Variants in SLIT3 observed in about 807,000 individuals in gnomAD.
SLIT3 encodes the protein slit homolog 3 protein.
A neutral mutation model predicts 184.0 loss-of-function variants in SLIT3; 68 were observed. That is an observed-to-expected ratio of 0.37 (90% CI 0.30 to 0.45). The LOEUF (loss-of-function observed/expected upper bound fraction) is 0.45, where lower values mean the gene tolerates loss of function less well. Ranked by LOEUF, SLIT3 falls within the 20% of genes least tolerant of loss-of-function variation. The pLI is 1.00. For synonymous variants in SLIT3, 831 were observed against 828.6 expected, an observed-to-expected ratio of 1.00 and a Z score of -0.05; for missense variants, 1,707 against 2,026.0, an observed-to-expected ratio of 0.84 and a Z score of 3.02.
At chr5:168,974,802 TC>T (rs1754692478) in intron 4 of SLIT3, among the ~76,000 whole-genome samples, 1 of 152,182 alleles carries the variant, frequency 6.6e-6, no homozygotes, top group African/African-American at 2.4e-5. Flanking sequence ...ACCCTGACTG[TC>T]TAACTCCCAT....
At chr5:168,995,943 T>G (rs1050302535) in intron 4 of SLIT3, among the ~76,000 whole-genome samples, 1 of 152,222 alleles carries the variant, frequency 6.6e-6, no homozygotes, top group Non-Finnish European at 1.5e-5. Flanking sequence ...ACTGGTATTC[T>G]TTCTGGTTCC....
chr5:169,217,041 C>T (rs1362899609), intron 3 of SLIT3, among the ~76,000 whole-genome samples: 1 of 151,256 alleles, frequency 6.6e-6, no homozygotes, highest in Non-Finnish European at 1.5e-5. Flanking sequence ...GTTCAATCCA[C>T]AGCTTGGCCA....
intron 27 of SLIT3, among the ~76,000 whole-genome samples, chr5:168,699,690 G>C (rs1022056175): frequency 6.6e-6 from 1 of 152,228 alleles, no homozygotes; most frequent in African/African-American, 2.4e-5. Flanking sequence ...AGCATCAGGA[G>C]ATACGACCTA....
chr5:168,666,335 C>T lies in SLIT3; in HGVS notation c.*119G>A. ...TTTACAATATACTTAATATTCTCTT[C>T]TTCTTTACCTTCCTCTCCAGCTTCA... On this transcript the variant is annotated 3_prime_UTR_variant, in exon 36 of 36. Coordinates refer to ENST00000519560, the MANE Select transcript of SLIT3 (RefSeq NM_003062.4). 2.1e-6 allele frequency: 2 copies of T among 956,108 alleles called. No individual in the cohort carries two copies. Among genetic ancestry groups the T allele is most frequent in the East Asian group, 2.7e-5 (1 of 36,566 alleles). 59.2% of individuals were successfully genotyped at this position (956,108 alleles called of 1,614,324 possible). A position where few individuals can be genotyped will look rare whatever the true frequency, so the allele number is the denominator to read the frequency against.
intron 4 of SLIT3, among the ~76,000 whole-genome samples, chr5:169,094,966 G>C (rs899035559): frequency 2.6e-5 from 4 of 152,150 alleles, no homozygotes; most frequent in Non-Finnish European, 4.4e-5. Flanking sequence ...CCTGCCTGGG[G>C]AGGACCCAGG....
At chr5:169,225,540 G>C (rs62376913) in intron 3 of SLIT3, among the ~76,000 whole-genome samples, 1,893 of 152,158 alleles carry the variant, frequency 0.012, 18 homozygotes, top group Non-Finnish European at 0.017. Flanking sequence ...CCCTCTTAGA[G>C]GCCTTATAGT....
chr5:168,860,105 T>C lies in SLIT3; in HGVS notation c.486-15450A>G, dbSNP rs182876084. 2.6e-5 allele frequency among the ~76,000 whole-genome samples: 4 copies of C among 152,232 alleles called. No individual in the cohort carries two copies. In the East Asian group the frequency reaches 7.7e-4, roughly 29 times the overall value. ...CCAGCCCTCTGGGTGGTTGCAGCTA[T>C]AGAGTTGTAAAATGCCACCGTTGAA... On this transcript the variant is annotated intron_variant, in intron 5 of 35. Coordinates refer to ENST00000519560, the MANE Select transcript of SLIT3 (RefSeq NM_003062.4).
intron 14 of SLIT3, 64 bp from the exon 15 acceptor site, chr5:168,762,753 G>T: frequency 6.5e-7 from 1 of 1,542,558 alleles, no homozygotes; most frequent in East Asian, 2.3e-5. Flanking sequence ...CCAGGTTGTG[G>T]GTAGTGGGGG....
intron 4 of SLIT3, among the ~76,000 whole-genome samples, chr5:169,187,559 CTTTTTTTT>C: frequency 1.8e-5 from 1 of 55,758 alleles, no homozygotes; most frequent in African/African-American, 8.6e-5. Context: ...TTCTTTCTTT[CTTTTTTTT>C]TTTTTTTGAG....
intron 4 of SLIT3, among the ~76,000 whole-genome samples, chr5:169,076,602 ACTTT>A (rs1198596004): frequency 2.0e-5 from 3 of 152,032 alleles, no homozygotes; most frequent in South Asian, 2.1e-4. Flanking sequence ...TCTCATACTT[ACTTT>A]AAGAGGAGAG....
intron 6 of SLIT3, among the ~76,000 whole-genome samples, chr5:168,824,051 C>T (rs532844006): frequency 1.2e-4 from 18 of 152,180 alleles, no homozygotes; most frequent in Non-Finnish European, 1.8e-4. Context: ...CGAGTTCAAG[C>T]GATTCTCCTG....
At chr5:169,010,848 G>A (rs1323115660) in intron 4 of SLIT3, among the ~76,000 whole-genome samples, 1 of 151,300 alleles carries the variant, frequency 6.6e-6, no homozygotes, top group Admixed American at 6.6e-5. Flanking sequence ...GGCAGAGGGT[G>A]CAGTGAGCCG....
chr5:169,190,009 A>G (rs1301526948), intron 4 of SLIT3, among the ~76,000 whole-genome samples: 1 of 152,186 alleles, frequency 6.6e-6, no homozygotes, highest in Non-Finnish European at 1.5e-5. Context: ...TTGTTTTTAC[A>G]TTTCACATCC....
At position 168,867,747 on chromosome 5, in the gene SLIT3, G is replaced by A. The variant is rs575688272; in HGVS notation, c.485+15518C>T. Among the ~76,000 whole-genome samples the A allele has an allele frequency of 1.8e-3, 271 of 152,260 alleles. 1 individual carries two copies. Among genetic ancestry groups the A allele is most frequent in the South Asian group, 4.8e-3 (23 of 4,818 alleles). On this transcript the variant is annotated intron_variant, in intron 5 of 35. Coordinates refer to ENST00000519560, the MANE Select transcript of SLIT3 (RefSeq NM_003062.4). ...CTTCTTGATTGCCACGATTAGAGTC[G>A]CTTTTTCAAGGCCTTGGCAGGCAGT...
intron 4 of SLIT3, among the ~76,000 whole-genome samples, chr5:168,947,566 G>A (rs1212036733): frequency 6.6e-6 from 1 of 152,208 alleles, no homozygotes; most frequent in African/African-American, 2.4e-5. Flanking sequence ...CTGTGCCCAG[G>A]TCAGGGGCAG....
intron 6 of SLIT3, among the ~76,000 whole-genome samples, chr5:168,837,334 G>A (rs1359095837): frequency 1.3e-5 from 2 of 152,164 alleles, no homozygotes; most frequent in Non-Finnish European, 2.9e-5. Context: ...GTAGCTCCCA[G>A]AGAAACCCAG....
intron 4 of SLIT3, among the ~76,000 whole-genome samples, chr5:169,126,155 G>T (rs547350359): frequency 3.3e-5 from 5 of 152,140 alleles, no homozygotes; most frequent in African/African-American, 4.8e-5. Flanking sequence ...AGACATCAAA[G>T]GACCTTGTAG....
rs889494551 is a variant in SLIT3, at chr5:168,707,979, G to A, written c.2841C>T (p.Tyr947=). The A allele has an allele frequency of 6.2e-7, 1 of 1,614,170 alleles. No individual in the cohort carries two copies. Among genetic ancestry groups the A allele is most frequent in the South Asian group, 1.1e-5 (1 of 91,082 alleles). Residue 947 remains tyrosine, a synonymous_variant, in exon 26 of 36, where the codon TAC becomes TAT. Transcript: ENST00000519560. ...ELYRCACPYS[Y]KGKDCTVPIN... ...GGGGGCAGGGCCTCCAGCATACCTT[G>A]TAGCTGTAGGGGCAGGCACAGCGGT...
At chr5:169,140,169 A>T (rs190143456) in intron 4 of SLIT3, among the ~76,000 whole-genome samples, 1 of 152,132 alleles carries the variant, frequency 6.6e-6, no homozygotes, top group African/African-American at 2.4e-5. Flanking sequence ...AGGTGTGCTC[A>T]CAAAGAGCTC....
Sources: gnomAD v4.1 joint callset for allele counts (sites outside exome capture counted in the v4.1 genomes callset) on GRCh38, gnomAD v4.1.1 for gene constraint, MANE v1.5 for transcripts, NCBI Gene and HGNC (gene_info 2026-07-23, HGNC 2026-07-21) for gene names.